The following ARID1B variants were observed in gnomAD, a reference collection of about 807,000 sequenced individuals.
ARID1B encodes AT-rich interactive domain-containing protein 1B.
A neutral mutation model predicts 212.3 loss-of-function variants in ARID1B; 30 were observed. That is an observed-to-expected ratio of 0.14 (90% CI 0.11 to 0.19). The LOEUF is 0.19. Among genes scored for constraint, ARID1B ranks in the 10% least tolerant of loss-of-function variants. The pLI is 1.00. For missense variants in ARID1B, 2,891 were observed against 3,204.0 expected (o/e 0.90, Z 2.36); for synonymous variants, 1,402 against 1,301.7 (o/e 1.08, Z -1.66).
chr6:156,848,249 G>A (rs535572663), intron 2 of ARID1B, among the ~76,000 whole-genome samples: 40 of 152,330 alleles, frequency 2.6e-4, no homozygotes, highest in African/African-American at 9.6e-4. Flanking sequence ...TTATTGAAGA[G>A]AACAGCTTCA....
intron 2 of ARID1B, among the ~76,000 whole-genome samples, chr6:156,892,096 C>T (rs1169576202): frequency 2.3e-5 from 3 of 129,318 alleles, no homozygotes; most frequent in Non-Finnish European, 4.8e-5. Context: ...GACGGGGTTT[C>T]ACCATGTTGG....
intron 5 of ARID1B, among the ~76,000 whole-genome samples, chr6:157,104,141 C>T (rs559208561): frequency 6.6e-6 from 1 of 152,148 alleles, no homozygotes; most frequent in Non-Finnish European, 1.5e-5. Flanking sequence ...GGCCTAACAA[C>T]TCTGTTATTA....
At chr6:157,037,323 C>T (rs999056105) in intron 4 of ARID1B, among the ~76,000 whole-genome samples, 7 of 152,192 alleles carry the variant, frequency 4.6e-5, no homozygotes, top group East Asian at 1.9e-4. Flanking sequence ...AGCTCCTTCC[C>T]GTGAGGACCT....
chr6:156,945,223 C>T (rs1583004058), intron 4 of ARID1B, among the ~76,000 whole-genome samples: 1 of 137,686 alleles, frequency 7.3e-6, no homozygotes, highest in South Asian at 2.3e-4. Context: ...GTGTGAGCCC[C>T]CGCATCCGGC....
chr6:156,983,506 A>T (rs905493945), intron 4 of ARID1B, among the ~76,000 whole-genome samples: 1 of 152,156 alleles, frequency 6.6e-6, no homozygotes, highest in African/African-American at 2.4e-5. Flanking sequence ...CAGCTTTTTC[A>T]CTGGGGACTT....
intron 7 of ARID1B, among the ~76,000 whole-genome samples, chr6:157,144,788 A>G (rs1789607480): frequency 6.6e-6 from 1 of 152,202 alleles, no homozygotes; most frequent in African/African-American, 2.4e-5. Context: ...AGGGGAGCCT[A>G]TGTGTGTCCC....
intron 1 of ARID1B, among the ~76,000 whole-genome samples, chr6:156,826,721 C>T (rs185395930): frequency 7.9e-5 from 12 of 152,172 alleles, no homozygotes; most frequent in African/African-American, 2.6e-4. Flanking sequence ...CTGTCCTTGC[C>T]GAGCACAGCA....
intron 4 of ARID1B, among the ~76,000 whole-genome samples, chr6:157,048,766 A>G (rs1414202682): frequency 2.6e-5 from 4 of 152,178 alleles, no homozygotes; most frequent in African/African-American, 9.7e-5. Flanking sequence ...TTACGATGGA[A>G]TCACTAAGCA....
At chr6:157,149,616 AT>A (rs1304925245) in intron 8 of ARID1B, 1 of 152,268 alleles carries the variant, frequency 6.6e-6, no homozygotes, top group East Asian at 1.9e-4. Context: ...TTAAAAATTA[AT>A]TTTGAAGTAA....
chr6:156,784,992 TC>T (rs1277450401), intron 1 of ARID1B, among the ~76,000 whole-genome samples: 30 of 152,258 alleles, frequency 2.0e-4, no homozygotes, highest in Non-Finnish European at 1.5e-5. Flanking sequence ...ACTCCTGACC[TC>T]AAGTGATCCA....
chr6:157,165,807 G>A (rs753421240), intron 8 of ARID1B, among the ~76,000 whole-genome samples: 4 of 152,100 alleles, frequency 2.6e-5, no homozygotes, highest in Admixed American at 1.3e-4. Context: ...CCAAGACTGC[G>A]CCACTGCACT....
In ARID1B at chr6:156,778,431, G is replaced by A. The variant is rs2114974236; in HGVS notation, c.751G>A (p.Gly251Ser). 2 of 1,476,888 alleles carry A rather than the reference G, an allele frequency of 1.4e-6. No homozygotes were observed. The highest frequency in any genetic ancestry group is 2.6e-5 in the South Asian group (2 of 76,228). 91.5% of individuals were successfully genotyped at this position (1,476,888 alleles called of 1,614,324 possible). The change falls in exon 1 of 20, where the codon GGC (glycine) becomes AGC (serine). Residue 251 changes from glycine to serine, a missense_variant. Around this residue, in one of 7 missense-constraint regions of ARID1B, gnomAD observed 1,643 missense variants for 1,544.0 expected, o/e 1.06. Transcript: ENST00000636930. ...QHGGAKDSAA[G>S]GQADPPGPPL... is the part of the protein sequence containing the mutation. ...TGGAGGCGCCAAGGACAGTGCTGCG[G>A]GCGGCCAGGCCGACCCCCCGGGCCC... is the stretch of plus-strand genomic sequence containing the variant.
At chr6:156,894,838 G>C (rs1182741181) in intron 2 of ARID1B, among the ~76,000 whole-genome samples, 1 of 152,208 alleles carries the variant, frequency 6.6e-6, no homozygotes, top group African/African-American at 2.4e-5. Context: ...AACTGGACTG[G>C]ACTATAGTTT....
At chr6:156,841,193 T>C (rs956520272) in intron 2 of ARID1B, among the ~76,000 whole-genome samples, 1 of 152,196 alleles carries the variant, frequency 6.6e-6, no homozygotes, top group Non-Finnish European at 1.5e-5. Flanking sequence ...GAAAGGGCTT[T>C]TGATGGCATT....
chr6:157,037,764 A>G (rs1342489287), intron 4 of ARID1B, among the ~76,000 whole-genome samples: 1 of 152,200 alleles, frequency 6.6e-6, no homozygotes, highest in Non-Finnish European at 1.5e-5. Flanking sequence ...AGTCAAAAGC[A>G]GTTGAATAGA....
chr6:156,802,883 GTTAT>G (rs1266480920), intron 1 of ARID1B, among the ~76,000 whole-genome samples: 9 of 152,192 alleles, frequency 5.9e-5, no homozygotes, highest in African/African-American at 1.9e-4. Context: ...GTAGCTGTGT[GTTAT>G]TTGTGTATGT....
chr6:157,036,945 A>G, intron 4 of ARID1B: 1 of 442,004 alleles, frequency 2.3e-6, no homozygotes, highest in Non-Finnish European at 4.4e-6. Context: ...TGAAGGTTCA[A>G]CAGAGGGGAC....
chr6:157,173,721 A>T (rs984536905), intron 9 of ARID1B: 4 of 236,870 alleles, frequency 1.7e-5, no homozygotes, highest in African/African-American at 6.8e-5. Flanking sequence ...TTTTGAAGGT[A>T]TAATAATTTT....
At chr6:157,037,810 G>T (rs1361724289) in intron 4 of ARID1B, among the ~76,000 whole-genome samples, 1 of 152,196 alleles carries the variant, frequency 6.6e-6, no homozygotes, top group Non-Finnish European at 1.5e-5. Flanking sequence ...AGCTGGCATA[G>T]TAGAAGCAGT....
Sources: gnomAD v4.1 joint callset for allele counts (sites outside exome capture counted in the v4.1 genomes callset) on GRCh38, gnomAD v4.1.1 for gene constraint, gnomAD v4.1.1 regional missense constraint, MANE v1.5 for transcripts, NCBI Gene and HGNC (gene_info 2026-07-23, HGNC 2026-07-21) for gene names.